The following AFF1 variants were observed in gnomAD, a reference collection of about 807,000 sequenced individuals.
AFF1 encodes AF4/FMR2 family member 1.
In AFF1, 48 loss-of-function variants were observed where a neutral mutation model predicts 121.7. The observed-to-expected ratio is 0.39, with a 90% CI of 0.31 to 0.50. The LOEUF (loss-of-function observed/expected upper bound fraction) is 0.50, where lower values mean the gene tolerates loss of function less well. Ranked by LOEUF, AFF1 falls within the 20% of genes least tolerant of loss-of-function variation. AFF1 has a pLI of 0.76. For synonymous variants in AFF1, 613 were observed against 563.0 expected (o/e 1.09, Z -1.26); for missense variants, 1,523 against 1,511.7 (o/e 1.01, Z -0.12).
At chr4:87,123,183 C>G (rs545566613) in intron 12 of AFF1, among the ~76,000 whole-genome samples, 2 of 152,128 alleles carry the variant, frequency 1.3e-5, no homozygotes, top group African/African-American at 4.8e-5. Context: ...CATGAGCCAC[C>G]GCGCCCAGCC....
At chr4:87,036,604 T>A (rs1340969536) in intron 2 of AFF1, among the ~76,000 whole-genome samples, 1 of 152,156 alleles carries the variant, frequency 6.6e-6, no homozygotes, top group Non-Finnish European at 1.5e-5. Flanking sequence ...ACCACACAGT[T>A]TTCCTTACTC....
At chr4:87,124,990 T>A in intron 12 of AFF1, 47 bp from the exon 13 acceptor site, 1 of 1,465,856 alleles carries the variant, frequency 6.8e-7, no homozygotes, top group Non-Finnish European at 9.2e-7. Flanking sequence ...GTTTTGTCTG[T>A]ACAATTATGT....
chr4:87,030,871 G>A (rs1176027089), intron 2 of AFF1, among the ~76,000 whole-genome samples: 1 of 152,132 alleles, frequency 6.6e-6, no homozygotes, highest in African/African-American at 2.4e-5. Context: ...GGGCAATGAG[G>A]AGCAAAAGGG....
chr4:86,963,972 T>TTTTTTTTTG (rs1360946543), intron 2 of AFF1, among the ~76,000 whole-genome samples: 1 of 149,876 alleles, frequency 6.7e-6, no homozygotes, highest in Admixed American at 6.7e-5. Flanking sequence ...GGTTTTTTTT[T>TTTTTTTTTG]TTTTTTTTTT....
At position 86,963,188 on chromosome 4, in the gene AFF1, AAAG is replaced by A. The variant is rs1341631839; in HGVS notation, c.38+14618_38+14620del. Among the ~76,000 whole-genome samples the A allele has an allele frequency of 2.2e-3, 336 of 151,286 alleles. 1 individual carries two copies. Among genetic ancestry groups the A allele is most frequent in the African/African-American group, 7.7e-3 (316 of 41,034 alleles). ...TCTCAAAAAAAAAAAAAAAAAAAAA[AAAG>A]CATAGATAACTATGTGTAAAGAAAC... On this transcript the variant is annotated intron_variant, in intron 2 of 20. Coordinates refer to ENST00000395146, the MANE Select transcript of AFF1 (RefSeq NM_001166693.3).
At chr4:87,020,788 A>G (rs1727820680) in intron 2 of AFF1, 3 of 985,234 alleles carry the variant, frequency 3.0e-6, no homozygotes, top group Non-Finnish European at 1.2e-6. Flanking sequence ...CAGTAATGCC[A>G]TGTTTTTGAT....
At chr4:86,939,524 C>A (rs1054006108) in intron 1 of AFF1, among the ~76,000 whole-genome samples, 12 of 152,148 alleles carry the variant, frequency 7.9e-5, no homozygotes, top group African/African-American at 2.9e-4. Context: ...TTAACAGACA[C>A]GTGGTGTTTA....
Position 87,046,722 on chromosome 4 carries a change from C to A in AFF1, c.187C>A (p.Arg63=). ...AGCAAAAGGTGATGAGCTGTCTAGT[C>A]GAATACAGAACATGTTGGGAAACTA... ...KTAKGDELSS[R]IQNMLGNYEE... is the part of the protein sequence containing the mutation. The change falls in exon 4 of 21, where the codon CGA becomes AGA. Residue 63 remains arginine (R), a synonymous_variant. Transcript: ENST00000395146. 1 of 1,613,662 alleles carries A rather than the reference C, an allele frequency of 6.2e-7. No individual in the cohort carries two copies. Among genetic ancestry groups the A allele is most frequent in the South Asian group, 1.1e-5 (1 of 91,038 alleles).
chr4:86,994,752 G>C (rs949340183), intron 2 of AFF1, among the ~76,000 whole-genome samples: 4 of 152,302 alleles, frequency 2.6e-5, no homozygotes, highest in East Asian at 1.9e-4. Flanking sequence ...ATGGTAAGGG[G>C]TCTTCAGCTG....
At chr4:87,085,308 T>C (rs1026018672) in intron 5 of AFF1, among the ~76,000 whole-genome samples, 2 of 152,160 alleles carry the variant, frequency 1.3e-5, no homozygotes, top group African/African-American at 4.8e-5. Flanking sequence ...ATTTTAATGC[T>C]CAGGTACAGT....
At chr4:87,076,896 A>G (rs1351679104) in intron 4 of AFF1, among the ~76,000 whole-genome samples, 1 of 152,184 alleles carries the variant, frequency 6.6e-6, no homozygotes, top group African/African-American at 2.4e-5. Context: ...CTATTTATGT[A>G]ATTTACTCTG....
chr4:87,122,413 G>A (rs930471765), intron 12 of AFF1, among the ~76,000 whole-genome samples: 1 of 152,158 alleles, frequency 6.6e-6, no homozygotes, highest in East Asian at 1.9e-4. Flanking sequence ...GTTGTTGAAC[G>A]GAGGTTTGTA....
intron 8 of AFF1, 74 bp downstream of exon 8, chr4:87,095,043 A>G (rs1170191747): frequency 7.2e-7 from 1 of 1,387,086 alleles, no homozygotes; most frequent in African/African-American, 1.4e-5. Context: ...TGCATTGCTT[A>G]GATTTTTCTG....
At chr4:86,994,999 G>A (rs917749203) in intron 2 of AFF1, among the ~76,000 whole-genome samples, 6 of 152,084 alleles carry the variant, frequency 3.9e-5, no homozygotes, top group South Asian at 2.1e-4. Flanking sequence ...TCAGCACTTC[G>A]GGAGGCCAAG....
At chr4:86,950,570 T>C (rs1721237542) in intron 2 of AFF1, among the ~76,000 whole-genome samples, 2 of 152,260 alleles carry the variant, frequency 1.3e-5, no homozygotes, top group South Asian at 2.1e-4. Flanking sequence ...CTCAGACTTA[T>C]TTATAATGCA....
At chr4:86,935,384 A>G (rs1328206767) in intron 1 of AFF1, 144 bp downstream of exon 1, 2 of 151,230 alleles carry the variant, frequency 1.3e-5, no homozygotes, top group Non-Finnish European at 3.0e-5. Context: ...TGGCGTTCCC[A>G]CTTTTCCGGT....
rs1002123665 is a variant in AFF1 at position 87,001,441 on chromosome 4, C to T, written c.39-44725C>T. On this transcript the variant is annotated intron_variant, in intron 2 of 20. Transcript: ENST00000395146. Reference sequence around the variant, plus strand: ...CCGTGTTAGCCAGGATGGTCTGGATCTCCTGACCTCGTGATCCACCCGCCT... The same window carrying T: ...CCGTGTTAGCCAGGATGGTCTGGATTTCCTGACCTCGTGATCCACCCGCCT... 5.9e-5 allele frequency among the ~76,000 whole-genome samples: 9 copies of T among 152,044 alleles called. No homozygotes were observed. In the East Asian group the frequency reaches 1.7e-3, roughly 29 times the overall value.
At chr4:87,043,766 T>C (rs1730388903) in intron 2 of AFF1, among the ~76,000 whole-genome samples, 1 of 152,224 alleles carries the variant, frequency 6.6e-6, no homozygotes, top group South Asian at 2.1e-4. Flanking sequence ...ATATCCATCA[T>C]CTAGGAAAAG....
intron 2 of AFF1, among the ~76,000 whole-genome samples, chr4:86,992,172 C>T (rs1369542612): frequency 6.6e-6 from 1 of 152,080 alleles, no homozygotes; most frequent in East Asian, 1.9e-4. Context: ...AGATTATGGA[C>T]TCTCGAGTGC....
Sources: allele counts gnomAD v4.1 joint callset (sites outside exome capture counted in the v4.1 genomes callset), GRCh38; gene constraint gnomAD v4.1.1; transcripts MANE v1.5; gene names NCBI Gene and HGNC (gene_info 2026-07-23, HGNC 2026-07-21).